The following RBFOX1 variants were observed in gnomAD, a reference collection of about 807,000 sequenced individuals.
RBFOX1 encodes the protein RNA binding protein fox-1 homolog 1.
Under a neutral mutation model 57.7 loss-of-function variants are expected in RBFOX1, and 8 were observed. The observed-to-expected ratio is 0.14, with a 90% CI of 0.08 to 0.25. The LOEUF (loss-of-function observed/expected upper bound fraction) is 0.25, where lower values mean the gene tolerates loss of function less well. Among genes scored for constraint, RBFOX1 ranks in the 10% least tolerant of loss-of-function variants. The pLI is 1.00. For missense variants in RBFOX1, 611 were observed against 548.5 expected, an observed-to-expected ratio of 1.11 and a Z score of -1.14; for synonymous variants, 326 against 222.4, an observed-to-expected ratio of 1.47 and a Z score of -4.15.
At chr16:7,526,676 G>A (rs956169217) in intron 5 of RBFOX1, among the ~76,000 whole-genome samples, 8 of 152,172 alleles carry the variant, frequency 5.3e-5, no homozygotes, top group Admixed American at 6.5e-5. Context: ...TGAGAATCAG[G>A]AAAAAGTCTC....
At chr16:5,875,194 A>G (rs2057573238) in intron 4 of RBFOX1, among the ~76,000 whole-genome samples, 3 of 152,222 alleles carry the variant, frequency 2.0e-5, no homozygotes, top group African/African-American at 7.2e-5. Context: ...GCACTGCATT[A>G]TCTTTACAGC....
At chr16:5,381,582 G>A (rs550572620) in intron 1 of RBFOX1, among the ~76,000 whole-genome samples, 1 of 152,208 alleles carries the variant, frequency 6.6e-6, no homozygotes, top group East Asian at 1.9e-4. Flanking sequence ...TGGGGCTCGA[G>A]CCTGCATCCC....
intron 3 of RBFOX1, among the ~76,000 whole-genome samples, chr16:6,923,505 C>G (rs1232416238): frequency 1.3e-5 from 2 of 151,998 alleles, no homozygotes; most frequent in African/African-American, 2.4e-5. Flanking sequence ...TGCACTCCAG[C>G]CTGGATGATG....
At chr16:6,902,408 C>T (rs1278211123) in intron 3 of RBFOX1, among the ~76,000 whole-genome samples, 1 of 152,132 alleles carries the variant, frequency 6.6e-6, no homozygotes, top group Non-Finnish European at 1.5e-5. Context: ...TCTTCCAGGC[C>T]ATACTCAGAA....
rs571539021 is a variant in RBFOX1 at position 5,639,486 on chromosome 16, C to T, written c.318+40525C>T. On this transcript the variant is annotated intron_variant, in intron 3 of 19. Coordinates refer to the RBFOX1 transcript ENST00000641259. The stretch of plus-strand genomic sequence containing the variant: ...TGGAAAGTGAGAAGGCCTCGGAACA[C>T]TGGGTCCATGTTCCTACATAACACT... Among the ~76,000 whole-genome samples, 7 of 152,272 alleles carry T rather than the reference C, an allele frequency of 4.6e-5. No individual in the cohort carries two copies. The South Asian group carries it at 1.5e-3, about 32-fold the overall frequency.
At chr16:6,566,902 C>G (rs1052915617) in intron 2 of RBFOX1, among the ~76,000 whole-genome samples, 16 of 152,076 alleles carry the variant, frequency 1.1e-4, no homozygotes, top group African/African-American at 3.9e-4. Context: ...TCTTTTTTGG[C>G]AAGTCTTTGA....
intron 9 of RBFOX1, among the ~76,000 whole-genome samples, chr16:7,600,967 G>A (rs8061013): frequency 1.3e-5 from 2 of 151,920 alleles, no homozygotes; most frequent in African/African-American, 4.8e-5. Flanking sequence ...CTATTTCTCT[G>A]AAGGACACCT....
At chr16:5,436,893 T>C (rs1048695566) in intron 1 of RBFOX1, among the ~76,000 whole-genome samples, 1 of 152,180 alleles carries the variant, frequency 6.6e-6, no homozygotes, top group African/African-American at 2.4e-5. Flanking sequence ...ATATTTAGTT[T>C]CATCCCAAGC....
At chr16:7,302,291 A>C (rs2096054156) in intron 4 of RBFOX1, among the ~76,000 whole-genome samples, 1 of 152,202 alleles carries the variant, frequency 6.6e-6, no homozygotes, top group Non-Finnish European at 1.5e-5. Flanking sequence ...ACAGAACGAC[A>C]ACAAAAAATA....
intron 12 of RBFOX1, among the ~76,000 whole-genome samples, chr16:7,663,203 A>G (rs1038189467): frequency 6.6e-5 from 10 of 152,172 alleles, no homozygotes; most frequent in South Asian, 2.1e-4. Context: ...GACATTCTCT[A>G]TGTTGGAAAA....
chr16:5,856,195 A>ACATATATATACATATATATG, intron 3 of RBFOX1, among the ~76,000 whole-genome samples: 1 of 60,248 alleles, frequency 1.7e-5, no homozygotes, highest in African/African-American at 5.6e-5. Context: ...CTCTATATAT[A>ACATATATATACATATATATG]TATATATATA....
At chr16:7,226,240 C>G (rs1478298741) in intron 4 of RBFOX1, among the ~76,000 whole-genome samples, 1 of 152,186 alleles carries the variant, frequency 6.6e-6, no homozygotes. Flanking sequence ...CATGGATATT[C>G]TGATCAGGCA....
At chr16:6,823,583 A>G (rs1355483592) in intron 3 of RBFOX1, among the ~76,000 whole-genome samples, 2 of 152,014 alleles carry the variant, frequency 1.3e-5, no homozygotes, top group African/African-American at 2.4e-5. Context: ...ATAAGGGAGT[A>G]TATTATCTTC....
At chr16:6,196,173 C>T (rs1598281330) in intron 1 of RBFOX1, among the ~76,000 whole-genome samples, 1 of 152,122 alleles carries the variant, frequency 6.6e-6, no homozygotes, top group East Asian at 1.9e-4. Flanking sequence ...TTTTCAGATG[C>T]AGAAACTGAG....
At chr16:5,981,552 TC>T (rs2060172798) in intron 4 of RBFOX1, among the ~76,000 whole-genome samples, 1 of 152,156 alleles carries the variant, frequency 6.6e-6, no homozygotes, top group African/African-American at 2.4e-5. Context: ...CACTGCAGCC[TC>T]CGCCTCCCAG....
At chr16:7,500,225 A>G (rs2070261474) in intron 4 of RBFOX1, among the ~76,000 whole-genome samples, 1 of 152,222 alleles carries the variant, frequency 6.6e-6, no homozygotes, top group African/African-American at 2.4e-5. Context: ...AGAGATCCTC[A>G]TATTGGGAAA....
chr16:6,159,731 AT>A (rs1567585260), intron 1 of RBFOX1, among the ~76,000 whole-genome samples: 1 of 152,182 alleles, frequency 6.6e-6, no homozygotes, highest in African/African-American at 2.4e-5. Flanking sequence ...GCTTCATTCT[AT>A]GTTTCCTTAA....
At chr16:6,052,465 A>C (rs2095562307) in intron 1 of RBFOX1, among the ~76,000 whole-genome samples, 1 of 152,014 alleles carries the variant, frequency 6.6e-6, no homozygotes, top group Non-Finnish European at 1.5e-5. Context: ...TTGGTATCCT[A>C]ATCTGTAAAG....
chr16:5,895,384 C>T (rs751428183), intron 4 of RBFOX1, among the ~76,000 whole-genome samples: 33 of 152,188 alleles, frequency 2.2e-4, no homozygotes, highest in Non-Finnish European at 4.4e-4. Flanking sequence ...AGATGAGCTT[C>T]TGGAAGTAGG....
Sources: gnomAD v4.1 joint callset for allele counts (sites outside exome capture counted in the v4.1 genomes callset) on GRCh38, gnomAD v4.1.1 for gene constraint, MANE v1.5 for transcripts, NCBI Gene and HGNC (gene_info 2026-07-23, HGNC 2026-07-21) for gene names.